The following SCMH1 variants were observed in gnomAD, a reference collection of about 807,000 sequenced individuals.
The protein encoded by SCMH1 is polycomb protein SCMH1.
SCMH1 carries 37 observed loss-of-function variants against 70.8 expected under a neutral mutation model. That is an observed-to-expected ratio of 0.52 (90% confidence interval 0.40 to 0.69). SCMH1 has a LOEUF of 0.69. SCMH1 is among the 30% of genes least tolerant of loss of function. The pLI, the probability that SCMH1 is intolerant of heterozygous loss-of-function variation, is 0.00. For synonymous variants in SCMH1, 292 were observed against 307.4 expected, an observed-to-expected ratio of 0.95 and a Z score of 0.52; for missense variants, 607 against 827.3, an observed-to-expected ratio of 0.73 and a Z score of 3.27.
intron 8 of SCMH1, among the ~76,000 whole-genome samples, chr1:41,106,439 G>A (rs1667947885): frequency 6.6e-6 from 1 of 151,794 alleles, no homozygotes; most frequent in South Asian, 2.1e-4. Context: ...CAGAAGCCAA[G>A]CTATGCAGCA....
intron 6 of SCMH1, among the ~76,000 whole-genome samples, chr1:41,118,365 T>G (rs539375925): frequency 1.3e-4 from 20 of 152,290 alleles, no homozygotes; most frequent in African/African-American, 4.8e-4. Context: ...GTGATAGGAT[T>G]AACGAATACT....
At chr1:41,225,921 TAAC>T (rs1477257277) in intron 1 of SCMH1, among the ~76,000 whole-genome samples, 1 of 152,026 alleles carries the variant, frequency 6.6e-6, no homozygotes, top group East Asian at 1.9e-4. Flanking sequence ...AGGTAAAACA[TAAC>T]AATAATAAAG....
intron 2 of SCMH1, among the ~76,000 whole-genome samples, chr1:41,164,911 C>T (rs1315181253): frequency 6.6e-6 from 1 of 152,012 alleles, no homozygotes; most frequent in East Asian, 1.9e-4. Context: ...AAAGTTCTCT[C>T]TTTAGCTATT....
chr1:41,140,239 CCT>C (rs556151202), intron 6 of SCMH1, among the ~76,000 whole-genome samples: 111 of 151,928 alleles, frequency 7.3e-4, no homozygotes, highest in African/African-American at 2.5e-3. Flanking sequence ...GGTAAAAATA[CCT>C]CTGTCCCTTA....
At chr1:41,075,197 G>A in intron 9 of SCMH1, 22 bp downstream of exon 9, 2 of 1,610,614 alleles carry the variant, frequency 1.2e-6, no homozygotes. Context: ...ATTCCTTTCT[G>A]GGAAACCCAC....
intron 4 of SCMH1, among the ~76,000 whole-genome samples, chr1:41,154,594 A>G (rs1645350926): frequency 2.0e-5 from 3 of 152,212 alleles, no homozygotes; most frequent in Admixed American, 2.0e-4. Context: ...ATAAACAGAG[A>G]CATTAATAAA....
intron 6 of SCMH1, among the ~76,000 whole-genome samples, chr1:41,128,797 C>T (rs1010131231): frequency 3.9e-5 from 6 of 152,062 alleles, no homozygotes; most frequent in African/African-American, 7.2e-5. Flanking sequence ...TTATAGGCTA[C>T]GTGAAGTTGT....
chr1:41,156,241 C>T (rs1001618974), intron 4 of SCMH1, among the ~76,000 whole-genome samples: 2 of 152,198 alleles, frequency 1.3e-5, no homozygotes, highest in Non-Finnish European at 2.9e-5. Context: ...GGCTACTGTT[C>T]TGGCCACATT....
At chr1:41,161,894 C>T (rs752591500) in intron 2 of SCMH1, among the ~76,000 whole-genome samples, 8 of 152,202 alleles carry the variant, frequency 5.3e-5, no homozygotes, top group Non-Finnish European at 1.2e-4. Flanking sequence ...TCCGCAGTAC[C>T]GCAGAATGTA....
In SCMH1 at chr1:41,179,715, A is replaced by G. The variant is rs145460413; in HGVS notation, c.13+6406T>C. Among the ~76,000 whole-genome samples the G allele has an allele frequency of 7.8e-3, 1,189 of 152,340 alleles. 15 individuals carry two copies. Among genetic ancestry groups the G allele is most frequent in the African/African-American group, 0.028 (1,148 of 41,570 alleles). Reference sequence around the variant, plus strand: ...AATAACAGGCTCTGAAATTGAGGCGATAATTAATAGCTTACCAACGAAAAA... The same window carrying G: ...AATAACAGGCTCTGAAATTGAGGCGGTAATTAATAGCTTACCAACGAAAAA... On this transcript the variant is annotated intron_variant, in intron 2 of 14. Coordinates refer to ENST00000337495, the Ensembl canonical transcript of SCMH1.
chr1:41,125,783 C>T (rs1219377292), intron 6 of SCMH1, among the ~76,000 whole-genome samples: 1 of 151,946 alleles, frequency 6.6e-6, no homozygotes, highest in Non-Finnish European at 1.5e-5. Flanking sequence ...TGCCATGTTG[C>T]CCAGGCTGGT....
chr1:41,049,623 C>T (rs1035406066), intron 10 of SCMH1, among the ~76,000 whole-genome samples: 8 of 150,552 alleles, frequency 5.3e-5, no homozygotes, highest in East Asian at 1.9e-4. Flanking sequence ...AAAAAATAGC[C>T]GGGCATGGTG....
At chr1:41,180,516 G>A (rs1009480580) in intron 2 of SCMH1, among the ~76,000 whole-genome samples, 5 of 152,218 alleles carry the variant, frequency 3.3e-5, no homozygotes, top group East Asian at 3.9e-4. Flanking sequence ...ATAGAAAATC[G>A]ATGTGCAAAA....
chr1:41,128,093 A>C (rs947415966), intron 6 of SCMH1, among the ~76,000 whole-genome samples: 3 of 152,178 alleles, frequency 2.0e-5, no homozygotes, highest in African/African-American at 7.2e-5. Context: ...CAGTCTGCCT[A>C]TTCATGTGCC....
intron 1 of SCMH1, among the ~76,000 whole-genome samples, chr1:41,222,775 C>A (rs1659553603): frequency 6.6e-6 from 1 of 152,084 alleles, no homozygotes; most frequent in Non-Finnish European, 1.5e-5. Context: ...GTAATCTAAA[C>A]AGAAAGTGAG....
chr1:41,094,556 CTT>C (rs1664550840), intron 8 of SCMH1, among the ~76,000 whole-genome samples: 1 of 152,028 alleles, frequency 6.6e-6, no homozygotes, highest in African/African-American at 2.4e-5. Context: ...GAAAGAATTT[CTT>C]TCTCCCTCTT....
chr1:41,150,551 T>G (rs762817595), intron 5 of SCMH1, among the ~76,000 whole-genome samples: 8 of 152,162 alleles, frequency 5.3e-5, no homozygotes, highest in Non-Finnish European at 8.8e-5. Context: ...GTTGTCTTTT[T>G]AAATAAATTG....
At chr1:41,126,158 T>C (rs1247007129) in intron 6 of SCMH1, among the ~76,000 whole-genome samples, 1 of 152,188 alleles carries the variant, frequency 6.6e-6, no homozygotes, top group Non-Finnish European at 1.5e-5. Flanking sequence ...TATCTGCAAA[T>C]TAGTCTCAGA....
intron 10 of SCMH1, among the ~76,000 whole-genome samples, chr1:41,059,267 G>A (rs953049872): frequency 6.6e-6 from 1 of 152,216 alleles, no homozygotes; most frequent in Non-Finnish European, 1.5e-5. Flanking sequence ...AATGGGAACA[G>A]GCATTCCTGT....
Sources: gnomAD v4.1 joint callset for allele counts (sites outside exome capture counted in the v4.1 genomes callset) on GRCh38, gnomAD v4.1.1 for gene constraint, MANE v1.5 for transcripts, NCBI Gene and HGNC (gene_info 2026-07-23, HGNC 2026-07-21) for gene names.